Variants in TWIST2 observed in about 807,000 individuals in gnomAD.
TWIST2 encodes the protein twist family bHLH transcription factor 2.
A neutral mutation model predicts 11.6 loss-of-function variants in TWIST2; 1 was observed. That is an observed-to-expected ratio of 0.09 (90% CI 0.03 to 0.41). TWIST2 has a LOEUF of 0.41. Ranked by LOEUF, TWIST2 falls within the 10% of genes least tolerant of loss-of-function variation. The pLI is 0.98. For missense variants in TWIST2, 168 were observed against 226.4 expected (o/e 0.74, Z 1.66); for synonymous variants, 87 against 96.6 (o/e 0.90, Z 0.58).
chr2:238,885,119 A>G (rs940947807), intron 1 of TWIST2, among the ~76,000 whole-genome samples: 1 of 152,244 alleles, frequency 6.6e-6, no homozygotes, highest in African/African-American at 2.4e-5. Context: ...CAGATTGTGC[A>G]GATGCAGGGA....
In TWIST2 at chr2:238,863,165, C is replaced by G. The variant is rs537101602; in HGVS notation, c.*35+14432C>G. 1.6e-4 allele frequency among the ~76,000 whole-genome samples: 24 copies of G among 152,026 alleles called. No individual in the cohort carries two copies. Among genetic ancestry groups the G allele is most frequent in the Non-Finnish European group, 3.4e-4 (23 of 68,024 alleles). On this transcript the variant is annotated intron_variant, in intron 1 of 1. Transcript: ENST00000612363. The surrounding 1 kb of genome is among the most constrained non-coding windows in gnomAD (Gnocchi z 4.7). ...TGTGGCAGGCACATGCTGACCGACC[C>G]TCCCTCCAGAGAAGGGCAACTACTC...
chr2:238,886,339 A>G (rs1412431969), intron 1 of TWIST2, among the ~76,000 whole-genome samples: 2 of 151,842 alleles, frequency 1.3e-5, no homozygotes, highest in African/African-American at 4.8e-5. Flanking sequence ...AACTGAGGGT[A>G]GACTGTTTGG....
At chr2:238,905,477 G>A (rs1274503614) in intron 1 of TWIST2, among the ~76,000 whole-genome samples, 1 of 152,184 alleles carries the variant, frequency 6.6e-6, no homozygotes, top group African/African-American at 2.4e-5. Context: ...GGCCAGGCCC[G>A]GAGGCTCTCG....
intron 1 of TWIST2, among the ~76,000 whole-genome samples, chr2:238,874,965 A>G (rs1692776829): frequency 6.6e-6 from 1 of 152,142 alleles, no homozygotes; most frequent in South Asian, 2.1e-4. Flanking sequence ...TGATGACTTC[A>G]TATAGAGTGC....
At chr2:238,905,979 G>A (rs1221618800) in intron 1 of TWIST2, among the ~76,000 whole-genome samples, 12 of 139,260 alleles carry the variant, frequency 8.6e-5, no homozygotes, top group South Asian at 2.2e-4. Flanking sequence ...GTGTGCGCGC[G>A]CGTGTACGTG....
At chr2:238,865,071 C>G (rs565278980) in intron 1 of TWIST2, among the ~76,000 whole-genome samples, 4 of 152,174 alleles carry the variant, frequency 2.6e-5, no homozygotes, top group Admixed American at 2.6e-4. Context: ...AAAGTCCACC[C>G]AGCAAGCATG....
chr2:238,878,111 C>T (rs1692838144), intron 1 of TWIST2, among the ~76,000 whole-genome samples: 3 of 152,108 alleles, frequency 2.0e-5, no homozygotes, highest in South Asian at 4.1e-4. Flanking sequence ...GCAGGTCTAC[C>T]CAAGAACAGC....
At chr2:238,854,289 G>A (rs1237330450) in intron 1 of TWIST2, among the ~76,000 whole-genome samples, 1 of 152,188 alleles carries the variant, frequency 6.6e-6, no homozygotes, top group Non-Finnish European at 1.5e-5. Flanking sequence ...GGTAAATTTT[G>A]TTATGTGGTC....
At chr2:238,901,257 G>A (rs1347901689) in intron 1 of TWIST2, among the ~76,000 whole-genome samples, 1 of 152,204 alleles carries the variant, frequency 6.6e-6, no homozygotes, top group African/African-American at 2.4e-5. Context: ...GATTCCAGGT[G>A]TGAGCCACCG....
At chr2:238,883,725 G>T (rs1692981376) in intron 1 of TWIST2, among the ~76,000 whole-genome samples, 1 of 152,186 alleles carries the variant, frequency 6.6e-6, no homozygotes, top group East Asian at 1.9e-4. Flanking sequence ...CAAGGATCCT[G>T]AGAGGACCCT....
intron 1 of TWIST2, among the ~76,000 whole-genome samples, chr2:238,869,034 C>T (rs1025493359): frequency 2.6e-5 from 4 of 152,134 alleles, no homozygotes; most frequent in East Asian, 1.9e-4. Flanking sequence ...CGGGTAGGTG[C>T]GCGGGCAGCA....
At chr2:238,880,750 G>A (rs1267850700) in intron 1 of TWIST2, among the ~76,000 whole-genome samples, 1 of 109,542 alleles carries the variant, frequency 9.1e-6, no homozygotes, top group African/African-American at 3.8e-5. Context: ...TGTTAGTGTT[G>A]GTGTTAATAT....
chr2:238,883,632 T>A (rs4129103), intron 1 of TWIST2, among the ~76,000 whole-genome samples: 89,637 of 151,918 alleles, frequency 0.59, 26,545 homozygotes, highest in African/African-American at 0.65. Context: ...ATTTAGCATT[T>A]GAGCAGAAGA....
intron 1 of TWIST2, among the ~76,000 whole-genome samples, chr2:238,891,018 G>A (rs950172429): frequency 3.3e-5 from 5 of 152,168 alleles, no homozygotes; most frequent in Non-Finnish European, 7.3e-5. Context: ...CCTGTTCTCG[G>A]ATCCCCCGAG....
chr2:238,849,639 C>T (rs928516419), intron 1 of TWIST2, among the ~76,000 whole-genome samples: 16 of 152,174 alleles, frequency 1.1e-4, no homozygotes, highest in African/African-American at 3.9e-4. Flanking sequence ...GGAGGCTGTG[C>T]GCGCCGGGCC....
chr2:238,861,353 G>A (rs376028008), intron 1 of TWIST2, among the ~76,000 whole-genome samples: 6 of 152,154 alleles, frequency 3.9e-5, no homozygotes, highest in Non-Finnish European at 5.9e-5. Flanking sequence ...CTTCTGCTTC[G>A]TGGTAACTAA....
intron 1 of TWIST2, among the ~76,000 whole-genome samples, chr2:238,889,983 A>G (rs868689573): frequency 1.1e-5 from 1 of 88,782 alleles, no homozygotes; most frequent in Admixed American, 1.1e-4. Flanking sequence ...GCCTGTGCGG[A>G]GGCTGCCCAG....
intron 1 of TWIST2, among the ~76,000 whole-genome samples, chr2:238,874,226 C>A (rs138063532): frequency 0.024 from 3,700 of 152,288 alleles, 139 homozygotes; most frequent in African/African-American, 0.084. Flanking sequence ...TCAAGGGAAA[C>A]ACAACTTGGG....
intron 1 of TWIST2, among the ~76,000 whole-genome samples, chr2:238,869,930 AGTGAGACT>A (rs1282287586): frequency 2.0e-5 from 3 of 152,036 alleles, no homozygotes; most frequent in Non-Finnish European, 2.9e-5. Context: ...TGAGCAACAG[AGTGAGACT>A]GTGTCTCAAA....
Sources: allele counts gnomAD v4.1 joint callset (sites outside exome capture counted in the v4.1 genomes callset), GRCh38; gene constraint gnomAD v4.1.1; non-coding constraint Gnocchi (gnomAD v3.1); transcripts MANE v1.5; gene names NCBI Gene and HGNC (gene_info 2026-07-23, HGNC 2026-07-21).